ITGA8: variants seen among roughly 807,000 people sequenced by gnomAD.
ITGA8 encodes integrin alpha-8.
In ITGA8, 91 loss-of-function variants were observed where a neutral mutation model predicts 142.3. The observed-to-expected ratio is 0.64, with a 90% CI of 0.54 to 0.76. The LOEUF (loss-of-function observed/expected upper bound fraction) is 0.76. Ranked by LOEUF, ITGA8 falls within the 30% of genes least tolerant of loss-of-function variation. ITGA8 has a pLI of 0.00. For missense variants in ITGA8, 1,406 were observed against 1,327.7 expected (o/e 1.06, Z -0.92); for synonymous variants, 505 against 485.2 (o/e 1.04, Z -0.54).
intron 20 of ITGA8, among the ~76,000 whole-genome samples, chr10:15,602,743 A>G (rs1261215250): frequency 6.6e-6 from 1 of 152,200 alleles, no homozygotes; most frequent in South Asian, 2.1e-4. Context: ...GTCTCAAAAA[A>G]AAAAATACAA....
intron 13 of ITGA8, among the ~76,000 whole-genome samples, chr10:15,637,285 T>A (rs538592857): frequency 6.6e-5 from 10 of 152,336 alleles, no homozygotes; most frequent in African/African-American, 2.4e-4. Flanking sequence ...CCTTTTCTAT[T>A]CTGAGCCATT....
At chr10:15,704,666 C>A (rs1353921910) in intron 2 of ITGA8, among the ~76,000 whole-genome samples, 1 of 152,118 alleles carries the variant, frequency 6.6e-6, no homozygotes, top group Non-Finnish European at 1.5e-5. Context: ...TTCTGATGGC[C>A]AGGAACACAG....
intron 28 of ITGA8, among the ~76,000 whole-genome samples, chr10:15,529,115 C>T (rs1156296918): frequency 1.3e-5 from 2 of 151,360 alleles, no homozygotes; most frequent in Non-Finnish European, 2.9e-5. Flanking sequence ...TTTCTTGAGA[C>T]GAGGTCTCGC....
chr10:15,531,813 C>T (rs1175278656), intron 27 of ITGA8, among the ~76,000 whole-genome samples: 1 of 151,568 alleles, frequency 6.6e-6, no homozygotes, highest in Non-Finnish European at 1.5e-5. Flanking sequence ...GGCATAGTGG[C>T]AAGCGCCTGT....
At chr10:15,657,267 A>T (rs1275059988) in intron 10 of ITGA8, among the ~76,000 whole-genome samples, 1 of 152,224 alleles carries the variant, frequency 6.6e-6, no homozygotes, top group Non-Finnish European at 1.5e-5. Context: ...AAGCATTGCT[A>T]GATTCTCATT....
intron 8 of ITGA8, among the ~76,000 whole-genome samples, chr10:15,669,388 T>C (rs11253601): frequency 0.58 from 88,009 of 152,072 alleles, 26,540 homozygotes; most frequent in South Asian, 0.75. Flanking sequence ...TTAAGGACTT[T>C]TCTTCATTGG....
chr10:15,703,005 A>G (rs1191066188), intron 2 of ITGA8, among the ~76,000 whole-genome samples: 1 of 152,196 alleles, frequency 6.6e-6, no homozygotes, highest in African/African-American at 2.4e-5. Context: ...TAGTGAAATA[A>G]ACTATTCTTT....
intron 26 of ITGA8, among the ~76,000 whole-genome samples, chr10:15,555,978 C>T (rs1248409714): frequency 1.4e-5 from 2 of 145,906 alleles, no homozygotes; most frequent in African/African-American, 5.1e-5. Context: ...TTTCTTATTA[C>T]TCATTTGCCC....
chr10:15,655,819 C>A (rs1205942916), intron 10 of ITGA8, among the ~76,000 whole-genome samples: 1 of 152,118 alleles, frequency 6.6e-6, no homozygotes, highest in Non-Finnish European at 1.5e-5. Context: ...GGTGTGGTGG[C>A]TTATGTCTAT....
intron 8 of ITGA8, among the ~76,000 whole-genome samples, chr10:15,671,175 G>A (rs1323542372): frequency 2.6e-5 from 4 of 152,164 alleles, no homozygotes; most frequent in East Asian, 1.9e-4. Context: ...TTGGGGTTTT[G>A]GTATGTTAAA....
At chr10:15,617,287 CAAGTAGGTAAGTGGTGGAACTGGTTGACT>C (rs577886184) in intron 13 of ITGA8, among the ~76,000 whole-genome samples, 135 of 152,116 alleles carry the variant, frequency 8.9e-4, no homozygotes, top group African/African-American at 3.1e-3. Context: ...AACATTCACA[CAAGTAGGTAAGTGGTGGAACTGGTTGACT>C]GCAGTGGAGC....
rs1268633635 is a variant in ITGA8 at position 15,646,953 on chromosome 10, C to T, written c.1100G>A (p.Ser367Asn). ...VGQIYLYLQV[S>N]SLLFRDPQIL... ...CTGGGGGTCTCTGAAGAGGAGAGAGCTCACTTGCAAATACAGGTAGATTTG... is the reference window on the plus strand; with the variant it reads ...CTGGGGGTCTCTGAAGAGGAGAGAGTTCACTTGCAAATACAGGTAGATTTG... Residue 367 changes from serine (S) to asparagine (N), a missense_variant, in exon 12 of 30, where the codon AGC (serine) becomes AAC (asparagine). Transcript: ENST00000378076. 3 of 1,613,942 alleles carry T rather than the reference C, an allele frequency of 1.9e-6. No individual in the cohort carries two copies. Among genetic ancestry groups the T allele is most frequent in the South Asian group, 1.1e-5 (1 of 91,052 alleles).
chr10:15,552,831 T>C (rs749826611), intron 26 of ITGA8, among the ~76,000 whole-genome samples: 2 of 152,216 alleles, frequency 1.3e-5, no homozygotes, highest in Non-Finnish European at 2.9e-5. Context: ...TGATATCAAT[T>C]GTTTTCTGTT....
intron 25 of ITGA8, among the ~76,000 whole-genome samples, chr10:15,571,396 T>G (rs1834180710): frequency 6.6e-6 from 1 of 152,246 alleles, no homozygotes. Context: ...TGAAGTTATC[T>G]CCTAAGGACA....
intron 28 of ITGA8, among the ~76,000 whole-genome samples, chr10:15,525,371 G>A (rs367570817): frequency 1.3e-5 from 2 of 152,094 alleles, no homozygotes; most frequent in East Asian, 1.9e-4. Flanking sequence ...GGCCAGGCAC[G>A]GTGGCTCACA....
intron 28 of ITGA8, among the ~76,000 whole-genome samples, chr10:15,521,177 C>A (rs560549668): frequency 1.3e-5 from 2 of 148,788 alleles, no homozygotes; most frequent in South Asian, 2.1e-4. Flanking sequence ...TGCCACCACA[C>A]CCAGCTATTT....
chr10:15,557,036 A>G (rs1246520092), intron 26 of ITGA8, among the ~76,000 whole-genome samples: 1 of 152,200 alleles, frequency 6.6e-6, no homozygotes, highest in Non-Finnish European at 1.5e-5. Context: ...ACATGAAAAC[A>G]TAAAGCACTA....
chr10:15,672,831 G>A (rs777881196), intron 6 of ITGA8, 82 bp from the exon 7 acceptor site: 71 of 1,380,226 alleles, frequency 5.1e-5, no homozygotes, highest in Non-Finnish European at 6.8e-5. Flanking sequence ...TCCCTTGAAA[G>A]CTATGGTGGA....
At chr10:15,525,716 T>C (rs1407897735) in intron 28 of ITGA8, among the ~76,000 whole-genome samples, 3 of 151,020 alleles carry the variant, frequency 2.0e-5, no homozygotes, top group Non-Finnish European at 3.0e-5. Context: ...ATAGTTTATC[T>C]AACCCTAAAT....
Sources: allele counts gnomAD v4.1 joint callset (sites outside exome capture counted in the v4.1 genomes callset), GRCh38; gene constraint gnomAD v4.1.1; transcripts MANE v1.5; gene names NCBI Gene and HGNC (gene_info 2026-07-23, HGNC 2026-07-21).